NLGN4X: variants seen among roughly 807,000 people sequenced by gnomAD.
NLGN4X encodes neuroligin 4 X-linked, also known as neuroligin-4, X-linked.
Under a neutral mutation model 40.3 loss-of-function variants are expected in NLGN4X, and 3 were observed. The ratio of observed to expected loss-of-function variants is 0.07; its 90% CI spans 0.03 to 0.19. The LOEUF (loss-of-function observed/expected upper bound fraction) is 0.19, where lower values mean the gene tolerates loss of function less well. Among genes scored for constraint, NLGN4X ranks in the 10% least tolerant of loss-of-function variants. The pLI, the probability that NLGN4X is intolerant of heterozygous loss-of-function variation, is 1.00. For synonymous variants in NLGN4X, 270 were observed against 306.8 expected, an observed-to-expected ratio of 0.88 and a Z score of 1.25; for missense variants, 382 against 708.3, an observed-to-expected ratio of 0.54 and a Z score of 5.23.
intron 2 of NLGN4X, among the ~76,000 whole-genome samples, chrX:6,059,280 G>A (rs899817748): frequency 1.8e-4 from 20 of 111,911 alleles, no homozygotes; most frequent in African/African-American, 4.5e-4. Flanking sequence ...TAAGAGAAGC[G>A]AAGCCAAACA....
At chrX:6,170,059 T>G (rs770728833) in intron 1 of NLGN4X, among the ~76,000 whole-genome samples, 2 of 108,809 alleles carry the variant, frequency 1.8e-5, no homozygotes, top group Admixed American at 9.9e-5. Context: ...CAGGCTTGAG[T>G]GCAGCGGTAT....
intron 2 of NLGN4X, among the ~76,000 whole-genome samples, chrX:6,039,144 T>C (rs1416449009): frequency 9.0e-6 from 1 of 111,297 alleles, no homozygotes; most frequent in Non-Finnish European, 1.9e-5. Context: ...GCTTTAAGAT[T>C]GCATTTTTTC....
intron 3 of NLGN4X, among the ~76,000 whole-genome samples, chrX:5,937,852 T>G (rs745772279): frequency 8.9e-6 from 1 of 112,295 alleles, no homozygotes; most frequent in East Asian, 2.8e-4. Flanking sequence ...AGATTATGGA[T>G]GAAAGTTTCA....
At chrX:6,024,008 A>G (rs1315215774) in intron 3 of NLGN4X, among the ~76,000 whole-genome samples, 1 of 111,803 alleles carries the variant, frequency 8.9e-6, no homozygotes, top group Non-Finnish European at 1.9e-5. Context: ...ACAAAAAAAA[A>G]ACAGATTGGG....
chrX:5,961,760 G>A (rs1209308593), intron 3 of NLGN4X, among the ~76,000 whole-genome samples: 1 of 112,152 alleles, frequency 8.9e-6, no homozygotes, highest in Admixed American at 9.5e-5. Context: ...ACTAAAAAAT[G>A]TGAGTCATTT....
At position 5,925,915 on chromosome X, in the gene NLGN4X, T is replaced by C. The variant is rs763662937; in HGVS notation, c.626-16676A>G. Among the ~76,000 whole-genome samples, 14 of 41,628 alleles carry C rather than the reference T, an allele frequency of 3.4e-4. 1 individual carries two copies. Among genetic ancestry groups the C allele is most frequent in the South Asian group, 1.4e-3 (1 of 730 alleles). The allele number at this position is 41,628 out of a possible 115,157, so 36.1% of individuals were successfully genotyped here. ...ATATATATATATATATATATATATA[T>C]ATATATATATATATATAAACCTGCG... On this transcript the variant is annotated intron_variant, in intron 3 of 5. Transcript: ENST00000381095.
chrX:6,085,795 C>T (rs1455854925), intron 2 of NLGN4X, among the ~76,000 whole-genome samples: 1 of 112,242 alleles, frequency 8.9e-6, no homozygotes, highest in Non-Finnish European at 1.9e-5. Context: ...CCACACGGCA[C>T]CTGGCATGGA....
At position 6,070,258 on chromosome X, in the gene NLGN4X, A is replaced by G. The variant is rs143285514; in HGVS notation, c.473-40826T>C. Among the ~76,000 whole-genome samples, 29 of 111,111 alleles carry G rather than the reference A, an allele frequency of 2.6e-4. 1 individual carries two copies. In the East Asian group the frequency reaches 7.6e-3, roughly 29 times the overall value. On this transcript the variant is annotated intron_variant, in intron 2 of 5. Transcript: ENST00000381095. Reference sequence around the variant, plus strand: ...CTTCTTGAAATGTTTCCACGTTAGCAGGTGAGATCAACGGCAAAAACATCA... The same window carrying G: ...CTTCTTGAAATGTTTCCACGTTAGCGGGTGAGATCAACGGCAAAAACATCA...
intron 3 of NLGN4X, among the ~76,000 whole-genome samples, chrX:5,986,216 A>G (rs2035527323): frequency 9.0e-6 from 1 of 110,859 alleles, no homozygotes. Context: ...TGCAATGCAT[A>G]TTGGCAAGAA....
At chrX:6,224,612 C>T (rs1347243037) in intron 1 of NLGN4X, among the ~76,000 whole-genome samples, 1 of 111,293 alleles carries the variant, frequency 9.0e-6, no homozygotes, top group Non-Finnish European at 1.9e-5. Flanking sequence ...ATCAAGATAA[C>T]TTCATTATCT....
chrX:5,926,789 T>TACACACACACACACAC (rs3072083), intron 3 of NLGN4X, among the ~76,000 whole-genome samples: 10 of 93,056 alleles, frequency 1.1e-4, no homozygotes, highest in African/African-American at 3.9e-4. Context: ...CTAGAGAGCA[T>TACACACACACACACAC]ACACACACAC....
chrX:6,021,092 C>A (rs1289692781), intron 3 of NLGN4X, among the ~76,000 whole-genome samples: 6 of 51,823 alleles, frequency 1.2e-4, no homozygotes, highest in Non-Finnish European at 2.1e-4. Context: ...CTCTCTCTCT[C>A]CCCCTCTCCC....
At chrX:6,012,772 C>T (rs1324166546) in intron 3 of NLGN4X, among the ~76,000 whole-genome samples, 5 of 111,090 alleles carry the variant, frequency 4.5e-5, no homozygotes, top group Non-Finnish European at 9.4e-5. Flanking sequence ...AGACAAACAC[C>T]GAGGCCACCA....
intron 3 of NLGN4X, among the ~76,000 whole-genome samples, chrX:5,950,012 A>T (rs7879993): frequency 0.26 from 28,889 of 110,982 alleles, 3,167 homozygotes; most frequent in African/African-American, 0.42. Context: ...AGCAAATCAG[A>T]CGGGTTTGGG....
At chrX:6,007,387 C>T (rs1476462615) in intron 3 of NLGN4X, among the ~76,000 whole-genome samples, 2 of 110,908 alleles carry the variant, frequency 1.8e-5, no homozygotes, top group Non-Finnish European at 3.8e-5. Flanking sequence ...TTCCACTATT[C>T]GGGTGATGAG....
At chrX:6,039,049 G>C (rs1370860555) in intron 2 of NLGN4X, among the ~76,000 whole-genome samples, 1 of 110,897 alleles carries the variant, frequency 9.0e-6, no homozygotes, top group Non-Finnish European at 1.9e-5. Flanking sequence ...ACAGGCAAAA[G>C]GTTCCCAGTT....
At chrX:6,019,594 T>C (rs896050499) in intron 3 of NLGN4X, among the ~76,000 whole-genome samples, 2 of 111,703 alleles carry the variant, frequency 1.8e-5, no homozygotes, top group African/African-American at 6.5e-5. Context: ...TGGCTCTCAA[T>C]TTCAATGCTT....
intron 3 of NLGN4X, among the ~76,000 whole-genome samples, chrX:5,998,222 C>T (rs960477647): frequency 1.8e-5 from 2 of 109,643 alleles, no homozygotes; most frequent in African/African-American, 6.7e-5. Context: ...CCAGCCAGGC[C>T]AACATGGTGA....
chrX:6,116,150 A>G (rs1255491072), intron 2 of NLGN4X, among the ~76,000 whole-genome samples: 4 of 105,400 alleles, frequency 3.8e-5, no homozygotes, highest in Non-Finnish European at 1.9e-5. Context: ...AAAATTAGCC[A>G]GGCGTGGTGG....
Sources: gnomAD v4.1 joint callset for allele counts (sites outside exome capture counted in the v4.1 genomes callset) on GRCh38, gnomAD v4.1.1 for gene constraint, MANE v1.5 for transcripts, NCBI Gene and HGNC (gene_info 2026-07-23, HGNC 2026-07-21) for gene names.